ZNF704: variants seen among roughly 807,000 people sequenced by gnomAD.
ZNF704 encodes zinc finger protein 704, also known as glucocorticoid induced gene 1.
A neutral mutation model predicts 44.7 loss-of-function variants in ZNF704; 10 were observed. The observed-to-expected ratio is 0.22, with a 90% CI of 0.14 to 0.38. ZNF704 has a LOEUF of 0.38. ZNF704 is among the 10% of genes least tolerant of loss of function. The pLI is 1.00. For synonymous variants in ZNF704, 211 were observed against 207.6 expected (o/e 1.02, Z -0.14); for missense variants, 390 against 545.5 (o/e 0.71, Z 2.84).
chr8:80,741,699 T>C (rs1157871071), intron 2 of ZNF704, among the ~76,000 whole-genome samples: 2 of 152,184 alleles, frequency 1.3e-5, no homozygotes, highest in African/African-American at 2.4e-5. Flanking sequence ...GAAGAAAAGA[T>C]AGAACATAAC....
chr8:80,712,826 T>C (rs1819007851), intron 2 of ZNF704, among the ~76,000 whole-genome samples: 1 of 152,018 alleles, frequency 6.6e-6, no homozygotes, highest in South Asian at 2.1e-4. Context: ...AAATTAGCTC[T>C]TTAATCCATT....
intron 5 of ZNF704, among the ~76,000 whole-genome samples, chr8:80,670,241 G>A (rs1340163662): frequency 1.3e-5 from 2 of 152,170 alleles, no homozygotes; most frequent in African/African-American, 4.8e-5. Context: ...TTTCCATAGG[G>A]AACTGGGGCT....
intron 1 of ZNF704, among the ~76,000 whole-genome samples, chr8:80,825,988 T>C (rs879614825): frequency 6.6e-6 from 1 of 152,078 alleles, no homozygotes; most frequent in African/African-American, 2.4e-5. Context: ...AGATCTAAAA[T>C]TGACACCCTA....
chr8:80,735,312 G>C (rs1248200895), intron 2 of ZNF704, among the ~76,000 whole-genome samples: 3 of 152,126 alleles, frequency 2.0e-5, no homozygotes, highest in African/African-American at 2.4e-5. Flanking sequence ...TCTTATTTAT[G>C]AAGATCAAAT....
At chr8:80,774,937 C>T (rs1485686902) in intron 2 of ZNF704, among the ~76,000 whole-genome samples, 1 of 152,196 alleles carries the variant, frequency 6.6e-6, no homozygotes, top group Non-Finnish European at 1.5e-5. Context: ...AAACTTACTG[C>T]TATGCTGCTG....
At chr8:80,831,602 A>T (rs1808473978) in intron 1 of ZNF704, among the ~76,000 whole-genome samples, 1 of 152,260 alleles carries the variant, frequency 6.6e-6, no homozygotes, top group Non-Finnish European at 1.5e-5. Flanking sequence ...GAACAAAAAC[A>T]TCTGGTTAGA....
chr8:80,690,020 T>C (rs1000091967), intron 3 of ZNF704, among the ~76,000 whole-genome samples: 1 of 151,458 alleles, frequency 6.6e-6, no homozygotes, highest in Non-Finnish European at 1.5e-5. Flanking sequence ...TTCCAAAAAC[T>C]CATTGATGTG....
intron 2 of ZNF704, among the ~76,000 whole-genome samples, chr8:80,738,948 C>T (rs571393439): frequency 6.6e-6 from 1 of 152,272 alleles, no homozygotes; most frequent in South Asian, 2.1e-4. Flanking sequence ...GGGCTCACAC[C>T]AGCATGACTG....
At chr8:80,700,053 C>T (rs1200674504) in intron 2 of ZNF704, among the ~76,000 whole-genome samples, 1 of 152,206 alleles carries the variant, frequency 6.6e-6, no homozygotes, top group Admixed American at 6.5e-5. Flanking sequence ...GCAAAAGCTC[C>T]TGGTTCTTTG....
intron 7 of ZNF704, among the ~76,000 whole-genome samples, chr8:80,654,007 A>G (rs1429490969): frequency 6.6e-6 from 1 of 152,238 alleles, no homozygotes; most frequent in East Asian, 1.9e-4. Flanking sequence ...GACCAATGGA[A>G]CAGAACGGAG....
rs1354662556 is a variant in ZNF704, at chr8:80,641,449, G to T, written c.1156C>A (p.Arg386=). The T allele has an allele frequency of 6.2e-7, 1 of 1,613,040 alleles. No homozygotes were observed. Among genetic ancestry groups the T allele is most frequent in the Admixed American group, 1.7e-5 (1 of 59,912 alleles). ...CGGTTCTCCATCCCGTACACCTTCC[G>T]ACACTTTTTGCCCTCTCCCCTGGGC... ...RKPRGEGKKC[R]KVYGMENRDM... The change falls in exon 9 of 9, where the codon CGG becomes AGG. Residue 386 remains arginine, a synonymous_variant. Transcript: ENST00000327835.
At chr8:80,669,709 ATT>A (rs1818250521) in intron 5 of ZNF704, among the ~76,000 whole-genome samples, 1 of 152,138 alleles carries the variant, frequency 6.6e-6, no homozygotes, top group African/African-American at 2.4e-5. Flanking sequence ...CTGGCCGTGC[ATT>A]TGTGTTTGCC....
chr8:80,824,156 T>C (rs1808328664), intron 1 of ZNF704, among the ~76,000 whole-genome samples: 1 of 152,108 alleles, frequency 6.6e-6, no homozygotes, highest in Admixed American at 6.5e-5. Context: ...TCGAACCCAT[T>C]GCAAAGAAGC....
At chr8:80,820,465 T>A (rs957374654) in intron 2 of ZNF704, among the ~76,000 whole-genome samples, 9 of 152,180 alleles carry the variant, frequency 5.9e-5, no homozygotes, top group African/African-American at 2.2e-4. Flanking sequence ...TTGGTTGAGT[T>A]TTAAAGTAGA....
intron 2 of ZNF704, among the ~76,000 whole-genome samples, chr8:80,796,348 A>ATTAACCCATTAATCCACTAATAGG (rs1397249569): frequency 1.3e-5 from 2 of 152,148 alleles, no homozygotes; most frequent in Non-Finnish European, 2.9e-5. Context: ...GTGATAACTC[A>ATTAACCCATTAATCCACTAATAGG]TTAACCCATT....
intron 1 of ZNF704, among the ~76,000 whole-genome samples, chr8:80,867,479 A>T (rs1234586686): frequency 6.6e-6 from 1 of 151,992 alleles, no homozygotes; most frequent in East Asian, 1.9e-4. Flanking sequence ...GCAGCAGCAA[A>T]CTTGCTAGCA....
chr8:80,721,740 T>C (rs1011680820), intron 2 of ZNF704, among the ~76,000 whole-genome samples: 1 of 152,218 alleles, frequency 6.6e-6, no homozygotes, highest in African/African-American at 2.4e-5. Context: ...ACTGTTACTA[T>C]TATTATTTAA....
rs1166899118 is a variant in ZNF704 at position 80,636,139 on chromosome 8, T to C, written c.*5227A>G. On this transcript the variant is annotated 3_prime_UTR_variant, in exon 9 of 9. Coordinates refer to ENST00000327835, the MANE Select transcript of ZNF704 (RefSeq NM_001033723.3). ...CAAAGTGTCATGTCTCTTAGAACTG[T>C]AGAAGCCTAATCAGTGTATTTCTTG... The C allele has an allele frequency of 2.6e-5, 4 of 152,228 alleles. No individual in the cohort carries two copies. The highest frequency in any genetic ancestry group is 5.9e-5 in the Non-Finnish European group (4 of 68,044). 9.4% of individuals were successfully genotyped at this position (152,228 alleles called of 1,614,324 possible).
chr8:80,679,303 C>T lies in ZNF704; in HGVS notation c.558+7923G>A, dbSNP rs905673711. On this transcript the variant is annotated intron_variant, in intron 4 of 8. Coordinates refer to ENST00000327835, the MANE Select transcript of ZNF704 (RefSeq NM_001033723.3). ...ACTTTTCAAAGTCCCCTAACTATAT[C>T]CAGTTGAAACAAATCCTTTGTCTAC... Among the ~76,000 whole-genome samples the T allele has an allele frequency of 2.6e-5, 4 of 151,944 alleles. No individual in the cohort carries two copies. The South Asian group carries it at 6.2e-4, about 24-fold the overall frequency.
Sources: allele counts gnomAD v4.1 joint callset (sites outside exome capture counted in the v4.1 genomes callset), GRCh38; gene constraint gnomAD v4.1.1; transcripts MANE v1.5; gene names NCBI Gene and HGNC (gene_info 2026-07-23, HGNC 2026-07-21).